Variants in GLG1 observed in about 807,000 individuals in gnomAD.
The protein encoded by GLG1 is golgi glycoprotein 1, also known as Golgi apparatus protein 1.
A neutral mutation model predicts 160.5 loss-of-function variants in GLG1; 38 were observed. The ratio of observed to expected loss-of-function variants is 0.24; its 90% CI spans 0.18 to 0.31. The LOEUF (loss-of-function observed/expected upper bound fraction) is 0.31. Ranked by LOEUF, GLG1 falls within the 10% of genes least tolerant of loss-of-function variation. The pLI, the probability that GLG1 is intolerant of heterozygous loss-of-function variation, is 1.00. For missense variants in GLG1, 1,373 were observed against 1,505.2 expected (o/e 0.91, Z 1.45); for synonymous variants, 644 against 543.4 (o/e 1.19, Z -2.57).
chr16:74,538,728 ATT>A (rs58959074), intron 1 of GLG1, among the ~76,000 whole-genome samples: 2,012 of 131,124 alleles, frequency 0.015, 10 homozygotes, highest in African/African-American at 0.023. Context: ...AGATTTTGAG[ATT>A]TTTTTTTTTT....
intron 18 of GLG1, among the ~76,000 whole-genome samples, 196 bp downstream of exon 18, chr16:74,467,560 G>C (rs1567460993): frequency 6.6e-6 from 1 of 152,146 alleles, no homozygotes; most frequent in South Asian, 2.1e-4. Context: ...AGAGAGGAGT[G>C]CAGGTGAAGA....
At position 74,573,580 on chromosome 16, in the gene GLG1, C is replaced by T. The variant is rs984208598; in HGVS notation, c.438+33077G>A. On this transcript the variant is annotated intron_variant, in intron 1 of 25. Coordinates refer to ENST00000422840, the MANE Select transcript of GLG1 (RefSeq NM_001145667.2). ...CTTCCTTCCCCTTTTATTTATCTTG[C>T]CTTTTTTTTTTTTTTTTTTTTTTTA... Among the ~76,000 whole-genome samples, 138 of 103,602 alleles carry T rather than the reference C, an allele frequency of 1.3e-3. 1 individual carries two copies. Among genetic ancestry groups the T allele is most frequent in the Admixed American group, 2.0e-3 (17 of 8,370 alleles). The allele number at this position is 103,602 out of a possible 152,430, so 68.0% of individuals were successfully genotyped here. A position where few individuals can be genotyped will look rare whatever the true frequency, so the allele number is the denominator to read the frequency against.
At chr16:74,459,526 GAA>G (rs1400181379) in intron 23 of GLG1, among the ~76,000 whole-genome samples, 154 bp downstream of exon 23, 1 of 151,928 alleles carries the variant, frequency 6.6e-6, no homozygotes, top group African/African-American at 2.4e-5. Context: ...AAAATCAAAT[GAA>G]AGTTTGGTAA....
chr16:74,530,286 A>G (rs1395549856), intron 2 of GLG1, among the ~76,000 whole-genome samples: 4 of 152,216 alleles, frequency 2.6e-5, no homozygotes, highest in African/African-American at 9.6e-5. Context: ...AATTCATAGA[A>G]GTAGAAATGC....
chr16:74,603,017 A>G (rs6564148), intron 1 of GLG1, among the ~76,000 whole-genome samples: 110,752 of 151,114 alleles, frequency 0.73, 40,982 homozygotes, highest in African/African-American at 0.84. Context: ...TTGAACCCAG[A>G]AGGCAGAGGT....
At chr16:74,498,510 A>T (rs554808616) in intron 4 of GLG1, among the ~76,000 whole-genome samples, 1 of 132,524 alleles carries the variant, frequency 7.5e-6, no homozygotes, top group East Asian at 2.2e-4. Context: ...TATCATTTAT[A>T]CACACGCAAT....
At position 74,482,940 on chromosome 16, in the gene GLG1, T is replaced by C. The variant is rs1383284280; in HGVS notation, c.1673+83A>G. 1.0e-5 allele frequency: 8 copies of C among 801,472 alleles called. No individual in the cohort carries two copies. In the African/African-American group the frequency reaches 1.4e-4, roughly 14 times the overall value. 49.6% of individuals were successfully genotyped at this position (801,472 alleles called of 1,614,324 possible). ...CTGAACAAAAAGAGTTTCCTACTGA[T>C]TATTTTAATAAATACAGGTAATTAT... is the stretch of plus-strand genomic sequence containing the variant. On this transcript the variant is annotated intron_variant, in intron 10 of 25. Coordinates refer to ENST00000422840, the MANE Select transcript of GLG1 (RefSeq NM_001145667.2).
At chr16:74,550,168 T>C (rs941211381) in intron 1 of GLG1, among the ~76,000 whole-genome samples, 4 of 151,914 alleles carry the variant, frequency 2.6e-5, no homozygotes, top group African/African-American at 9.7e-5. Flanking sequence ...TGCTAGAACT[T>C]AAGGGGCACT....
chr16:74,555,525 A>G (rs2018327699), intron 1 of GLG1, among the ~76,000 whole-genome samples: 1 of 151,932 alleles, frequency 6.6e-6, no homozygotes, highest in Admixed American at 6.6e-5. Context: ...CATCTCTACA[A>G]AAAAATATTA....
At chr16:74,490,804 A>C (rs1199441214) in intron 8 of GLG1, among the ~76,000 whole-genome samples, 197 bp downstream of exon 8, 1 of 152,220 alleles carries the variant, frequency 6.6e-6, no homozygotes, top group African/African-American at 2.4e-5. Flanking sequence ...ATGAGCTCAA[A>C]CTTTTGCTCT....
At chr16:74,480,560 G>GC (rs1185215427) in intron 10 of GLG1, among the ~76,000 whole-genome samples, 166 bp from the exon 11 acceptor site, 1 of 145,190 alleles carries the variant, frequency 6.9e-6, no homozygotes, top group Admixed American at 6.9e-5. Flanking sequence ...TTGTTCTTTT[G>GC]TTTTTTTTTT....
intron 1 of GLG1, among the ~76,000 whole-genome samples, chr16:74,585,134 TG>T: frequency 4.6e-3 from 1 of 216 alleles, no homozygotes; most frequent in East Asian, 0.071. Context: ...CCAGGCACAG[TG>T]AGTGACTCAT....
At chr16:74,564,187 G>A (rs1223887230) in intron 1 of GLG1, among the ~76,000 whole-genome samples, 1 of 152,174 alleles carries the variant, frequency 6.6e-6, no homozygotes, top group African/African-American at 2.4e-5. Flanking sequence ...CCAAAATGCT[G>A]GGATTAACAG....
intron 1 of GLG1, among the ~76,000 whole-genome samples, chr16:74,559,854 T>C (rs1473315794): frequency 6.6e-6 from 1 of 152,204 alleles, no homozygotes; most frequent in African/African-American, 2.4e-5. Flanking sequence ...AATTTTATTT[T>C]GAATTTATTA....
At chr16:74,589,952 A>G (rs1958135861) in intron 1 of GLG1, among the ~76,000 whole-genome samples, 1 of 151,662 alleles carries the variant, frequency 6.6e-6, no homozygotes, top group African/African-American at 2.4e-5. Flanking sequence ...TAAATAAATA[A>G]ATAATAAAAA....
intron 22 of GLG1, chr16:74,461,817 A>G: frequency 3.5e-6 from 1 of 282,534 alleles, no homozygotes; most frequent in South Asian, 7.7e-5. Context: ...ACCATCCAGA[A>G]TAAGAAGAAG....
At chr16:74,542,735 GAGGAAGGAAGGAAGGA>G (rs1193967031) in intron 1 of GLG1, among the ~76,000 whole-genome samples, 351 of 28,654 alleles carry the variant, frequency 0.012, 13 homozygotes, top group African/African-American at 0.037. Flanking sequence ...GGAAGGAAGG[GAGGAAGGAAGGAAGGA>G]AGGAAGGAAG....
chr16:74,588,947 G>A (rs951306685), intron 1 of GLG1, among the ~76,000 whole-genome samples: 5 of 150,764 alleles, frequency 3.3e-5, no homozygotes, highest in African/African-American at 7.3e-5. Context: ...TAAATCAAAT[G>A]TATTTGGTGA....
At chr16:74,592,942 A>C (rs1161036119) in intron 1 of GLG1, among the ~76,000 whole-genome samples, 1 of 152,176 alleles carries the variant, frequency 6.6e-6, no homozygotes, top group Admixed American at 6.5e-5. Context: ...CACTGGTCTC[A>C]TGAATGGATT....
Sources: gnomAD v4.1 joint callset for allele counts (sites outside exome capture counted in the v4.1 genomes callset) on GRCh38, gnomAD v4.1.1 for gene constraint, MANE v1.5 for transcripts, NCBI Gene and HGNC (gene_info 2026-07-23, HGNC 2026-07-21) for gene names.